Variants in ADGRE3 observed in about 807,000 individuals in gnomAD.
ADGRE3 encodes adhesion G protein-coupled receptor E3, also known as EGF-like module receptor 3.
ADGRE3 carries 88 observed loss-of-function variants against 80.1 expected under a neutral mutation model. The ratio of observed to expected loss-of-function variants is 1.10; its 90% CI spans 0.93 to 1.31. The LOEUF (loss-of-function observed/expected upper bound fraction) is 1.31. Ranked by LOEUF, ADGRE3 falls within the 40% of genes most tolerant of loss-of-function variation. The pLI, the probability that ADGRE3 is intolerant of heterozygous loss-of-function variation, is 0.00. For missense variants in ADGRE3, 715 were observed against 776.5 expected (o/e 0.92, Z 0.94); for synonymous variants, 281 against 294.8 (o/e 0.95, Z 0.48).
chr19:14,668,524 T>C, intron 2 of ADGRE3: 1 of 479,868 alleles, frequency 2.1e-6, no homozygotes, highest in Non-Finnish European at 3.7e-6. Context: ...GTCTGCTTCA[T>C]GAGACTTTGT....
At chr19:14,637,193 A>G (rs1169095154) in intron 11 of ADGRE3, among the ~76,000 whole-genome samples, 2 of 152,130 alleles carry the variant, frequency 1.3e-5, no homozygotes, top group Non-Finnish European at 2.9e-5. Context: ...AGCTGCTCTG[A>G]AGGACCACAG....
intron 13 of ADGRE3, among the ~76,000 whole-genome samples, chr19:14,631,390 A>G (rs974617260): frequency 6.6e-6 from 1 of 151,468 alleles, no homozygotes; most frequent in Non-Finnish European, 1.5e-5. Context: ...ATAATAAAAA[A>G]TGAAAGGGAT....
At chr19:14,642,718 A>AG (rs1364254337) in intron 9 of ADGRE3, among the ~76,000 whole-genome samples, 1 of 152,174 alleles carries the variant, frequency 6.6e-6, no homozygotes, top group Non-Finnish European at 1.5e-5. Flanking sequence ...AATGGCCTCC[A>AG]GCTCCATCCA....
chr19:14,633,100 T>C, intron 12 of ADGRE3, 88 bp from the exon 13 acceptor site: 1 of 1,269,798 alleles, frequency 7.9e-7, no homozygotes, highest in South Asian at 1.2e-5. Context: ...CCTACCCTCT[T>C]GTACATGGGA....
In ADGRE3 at chr19:14,667,841, T is replaced by C. The variant is rs113056547; in HGVS notation, c.76+961A>G. ...CTTAAAGTATAATAAAAAAAATAAA[T>C]TTACGATCTTAGCCATTACTAGGTG... On this transcript the variant is annotated intron_variant, in intron 2 of 15. Transcript: ENST00000253673. Among the ~76,000 whole-genome samples the C allele has an allele frequency of 7.6e-3, 1,156 of 152,262 alleles. 13 individuals carry two copies. The highest frequency in any genetic ancestry group is 0.027 in the African/African-American group (1,119 of 41,544).
At chr19:14,644,307 C>A in intron 8 of ADGRE3, 32 bp from the exon 9 acceptor site, 2 of 1,372,454 alleles carry the variant, frequency 1.5e-6, no homozygotes, top group Non-Finnish European at 1.9e-6. Context: ...GGCTCATTGT[C>A]TTTGTCTTTC....
At chr19:14,632,467 C>A (rs1270087802) in intron 13 of ADGRE3, among the ~76,000 whole-genome samples, 1 of 152,148 alleles carries the variant, frequency 6.6e-6, no homozygotes, top group African/African-American at 2.4e-5. Context: ...TCCCTTGCAG[C>A]TGGGTGTTAT....
intron 3 of ADGRE3, among the ~76,000 whole-genome samples, chr19:14,663,170 T>G (rs1243535706): frequency 6.6e-6 from 1 of 151,770 alleles, no homozygotes; most frequent in Non-Finnish European, 1.5e-5. Flanking sequence ...GCCCGGCAAA[T>G]TTTTGTATTT....
At chr19:14,613,341 A>C in the ADGRE3 span, among the ~76,000 whole-genome samples, 6 of 151,112 alleles carry the variant, frequency 4.0e-5, no homozygotes, top group East Asian at 9.8e-4. Context: ...CCGTCCTCAG[A>C]CTCCTGTATA....
At chr19:14,639,830 G>C (rs992526707) in intron 10 of ADGRE3, among the ~76,000 whole-genome samples, 1 of 152,042 alleles carries the variant, frequency 6.6e-6, no homozygotes, top group Non-Finnish European at 1.5e-5. Context: ...TGTCTTTTTT[G>C]GGGGGTGAGA....
chr19:14,641,356 A>G (rs1336762831), intron 10 of ADGRE3, 63 bp downstream of exon 10: 4 of 1,592,358 alleles, frequency 2.5e-6, no homozygotes, highest in Non-Finnish European at 3.4e-6. Flanking sequence ...CTAGTGCAGC[A>G]TTGCTCCATG....
intron 13 of ADGRE3, among the ~76,000 whole-genome samples, chr19:14,632,377 T>C (rs899052419): frequency 3.0e-4 from 46 of 152,200 alleles, no homozygotes; most frequent in African/African-American, 1.1e-3. Context: ...CCTTTTCATC[T>C]TCCTTTTAGT....
chr19:14,633,383 A>G (rs751560347), intron 11 of ADGRE3, 81 bp from the exon 12 acceptor site: 1 of 1,076,396 alleles, frequency 9.3e-7, no homozygotes, highest in Non-Finnish European at 1.4e-6. Context: ...TTTTCCTACC[A>G]GAGAATTGTT....
chr19:14,630,049 AGGAGGCAGT>A lies in ADGRE3; in HGVS notation c.1793_1801del (p.Tyr598_Leu601delinsPhe), dbSNP rs770561045. 89 of 1,604,906 alleles carry A rather than the reference AGGAGGCAGT, an allele frequency of 5.5e-5. No homozygotes were observed. The South Asian group carries it at 9.6e-4, about 17-fold the overall frequency. On this transcript the variant is annotated inframe_deletion, in exon 14 of 16. Coordinates refer to ENST00000253673, the MANE Select transcript of ADGRE3 (RefSeq NM_032571.5). Reference sequence around the variant, plus strand: ...GGGGTCAGTGTTTACCTGCTGGCTGAGGAGGCAGTAGACCAAGAAGATGAAGAAGCCTTG... The same window carrying A: ...GGGGTCAGTGTTTACCTGCTGGCTGAAGACCAAGAAGATGAAGAAGCCTTG...
chr19:14,646,693 CTCCT>C lies in ADGRE3; in HGVS notation c.882+484_882+487del, dbSNP rs1217192329. On this transcript the variant is annotated intron_variant, in intron 8 of 15. Transcript: ENST00000253673. ...CCTCCCTCCCTCCCTCCCTCCCTCC[CTCCT>C]TCCTTCCTTCCTTCCTTCCTTCCTT... 5.4e-3 allele frequency among the ~76,000 whole-genome samples: 359 copies of C among 66,474 alleles called. 2 individuals are homozygous for C. Among genetic ancestry groups the C allele is most frequent in the East Asian group, 0.012 (26 of 2,174 alleles). The allele number at this position is 66,474 out of a possible 152,430, so 43.6% of individuals were successfully genotyped here.
intron 13 of ADGRE3, among the ~76,000 whole-genome samples, chr19:14,630,996 C>T (rs890231490): frequency 6.6e-6 from 1 of 152,056 alleles, no homozygotes; most frequent in Non-Finnish European, 1.5e-5. Context: ...GCCTCAGCCT[C>T]CCGAGTAGCT....
the ADGRE3 span, among the ~76,000 whole-genome samples, chr19:14,608,742 TC>T: frequency 1.3e-5 from 2 of 148,828 alleles, no homozygotes; most frequent in Non-Finnish European, 1.5e-5. Context: ...CAAGTGATTC[TC>T]CCACCTCAGA....
At chr19:14,627,167 TA>T (rs1970756999) in intron 14 of ADGRE3, among the ~76,000 whole-genome samples, 1 of 152,060 alleles carries the variant, frequency 6.6e-6, no homozygotes, top group African/African-American at 2.4e-5. Flanking sequence ...CTCCACCAAC[TA>T]GATGCCAGTA....
intron 2 of ADGRE3, among the ~76,000 whole-genome samples, chr19:14,666,264 T>C (rs1398343899): frequency 6.6e-6 from 1 of 151,868 alleles, no homozygotes; most frequent in Non-Finnish European, 1.5e-5. Context: ...CCAACATCTA[T>C]TATTTTTTTA....
Sources: allele counts gnomAD v4.1 joint callset (sites outside exome capture counted in the v4.1 genomes callset), GRCh38; gene constraint gnomAD v4.1.1; transcripts MANE v1.5; gene names NCBI Gene and HGNC (gene_info 2026-07-23, HGNC 2026-07-21).